The following PPARGC1A variants were observed in gnomAD, a reference collection of about 807,000 sequenced individuals.
The protein encoded by PPARGC1A is peroxisome proliferator-activated receptor gamma coactivator 1-alpha.
Under a neutral mutation model 88.7 loss-of-function variants are expected in PPARGC1A, and 25 were observed. That is an observed-to-expected ratio of 0.28 (90% CI 0.21 to 0.39). PPARGC1A has a LOEUF of 0.39. Among genes scored for constraint, PPARGC1A ranks in the 10% least tolerant of loss-of-function variants. The pLI, the probability that PPARGC1A is intolerant of heterozygous loss-of-function variation, is 1.00. For missense variants in PPARGC1A, 880 were observed against 968.7 expected (o/e 0.91, Z 1.22); for synonymous variants, 363 against 355.6 (o/e 1.02, Z -0.24).
At chr4:24,469,067 A>T in the PPARGC1A span, among the ~76,000 whole-genome samples, 1 of 152,200 alleles carries the variant, frequency 6.6e-6, no homozygotes, top group Non-Finnish European at 1.5e-5. Context: ...TAAACAAATT[A>T]TATCTGAAGA....
At chr4:24,470,719 C>T in the PPARGC1A span, among the ~76,000 whole-genome samples, 2 of 151,838 alleles carry the variant, frequency 1.3e-5, no homozygotes, top group Admixed American at 1.3e-4. This position sits in a 1 kb window ranked among gnomAD's most constrained non-coding sequence, Gnocchi z 5.8. Flanking sequence ...CGCCCCCACC[C>T]GCGGCGGCGG....
chr4:23,959,956 T>C, the PPARGC1A span, among the ~76,000 whole-genome samples: 3 of 152,106 alleles, frequency 2.0e-5, no homozygotes, highest in African/African-American at 7.2e-5. Flanking sequence ...CAACTCAGCC[T>C]ATAAACTTGG....
chr4:23,933,853 C>T, the PPARGC1A span, among the ~76,000 whole-genome samples: 3 of 152,326 alleles, frequency 2.0e-5, no homozygotes, highest in South Asian at 2.1e-4. Context: ...CAAAGCAACT[C>T]GGTCTTTGGT....
the PPARGC1A span, among the ~76,000 whole-genome samples, chr4:24,255,013 C>T: frequency 7.2e-5 from 11 of 152,284 alleles, no homozygotes; most frequent in East Asian, 1.5e-3. Context: ...TAAGTATGAT[C>T]CTTGTAAAGA....
At chr4:24,250,584 A>G in the PPARGC1A span, among the ~76,000 whole-genome samples, 1 of 152,202 alleles carries the variant, frequency 6.6e-6, no homozygotes, top group African/African-American at 2.4e-5. Flanking sequence ...CAATAAAAAG[A>G]AGGAGGTGGG....
the PPARGC1A span, among the ~76,000 whole-genome samples, chr4:24,165,739 A>G: frequency 6.6e-6 from 1 of 152,112 alleles, no homozygotes; most frequent in African/African-American, 2.4e-5. Flanking sequence ...CCATTACCAT[A>G]TAAGAGGTTG....
chr4:24,436,560 A>G, the PPARGC1A span, among the ~76,000 whole-genome samples: 10 of 150,854 alleles, frequency 6.6e-5, no homozygotes, highest in African/African-American at 2.5e-4. Context: ...CACACAGCTG[A>G]CATCGATTGG....
chr4:24,406,047 G>A, the PPARGC1A span, among the ~76,000 whole-genome samples: 1 of 152,062 alleles, frequency 6.6e-6, no homozygotes, highest in African/African-American at 2.4e-5. Flanking sequence ...AAGATGCCAG[G>A]CAAAGAAATG....
At chr4:24,077,267 G>A in the PPARGC1A span, among the ~76,000 whole-genome samples, 17 of 152,040 alleles carry the variant, frequency 1.1e-4, no homozygotes, top group East Asian at 1.9e-4. Context: ...TTACTCTTTC[G>A]TTTTCAAGGC....
chr4:23,934,589 G>T, the PPARGC1A span, among the ~76,000 whole-genome samples: 1 of 152,116 alleles, frequency 6.6e-6, no homozygotes, highest in Non-Finnish European at 1.5e-5. Context: ...TGCTGATAAT[G>T]GTGTCTGAGA....
At chr4:23,935,629 T>C in the PPARGC1A span, among the ~76,000 whole-genome samples, 1 of 152,198 alleles carries the variant, frequency 6.6e-6, no homozygotes. Flanking sequence ...GCATAAAAAT[T>C]ATTTACCAGT....
At chr4:24,426,442 C>T in the PPARGC1A span, among the ~76,000 whole-genome samples, 20 of 152,160 alleles carry the variant, frequency 1.3e-4, no homozygotes, top group African/African-American at 4.6e-4. Flanking sequence ...CAGCTTCTTC[C>T]CAAAACAAAA....
chr4:23,832,115 A>G (rs903704811), intron 2 of PPARGC1A, among the ~76,000 whole-genome samples: 2 of 152,260 alleles, frequency 1.3e-5, no homozygotes, highest in African/African-American at 4.8e-5. Context: ...CCTTGAGAGA[A>G]TTTTAACCAT....
intron 10 of PPARGC1A, among the ~76,000 whole-genome samples, chr4:23,806,060 A>G (rs1001023636): frequency 2.0e-5 from 3 of 152,324 alleles, no homozygotes; most frequent in Middle Eastern, 3.4e-3. Context: ...GATATAACCT[A>G]GAGGGGAGAA....
At chr4:23,950,163 G>C in the PPARGC1A span, among the ~76,000 whole-genome samples, 1 of 151,970 alleles carries the variant, frequency 6.6e-6, no homozygotes. Context: ...TCTCTAGAAA[G>C]GTATATACCC....
chr4:24,202,870 G>A, the PPARGC1A span, among the ~76,000 whole-genome samples: 1 of 152,132 alleles, frequency 6.6e-6, no homozygotes, highest in African/African-American at 2.4e-5. Flanking sequence ...CAGGGATCCA[G>A]TGCCCCCTGA....
the PPARGC1A span, among the ~76,000 whole-genome samples, chr4:24,260,441 C>T: frequency 2.9e-3 from 447 of 152,352 alleles, 3 homozygotes; most frequent in African/African-American, 0.011. Flanking sequence ...AAAACTCACA[C>T]CTTCGCCAGT....
chr4:24,261,640 A>G, the PPARGC1A span, among the ~76,000 whole-genome samples: 1 of 152,202 alleles, frequency 6.6e-6, no homozygotes, highest in African/African-American at 2.4e-5. Context: ...CTATTTTCAC[A>G]TTAGTCACGA....
At chr4:24,114,338 T>A in the PPARGC1A span, among the ~76,000 whole-genome samples, 413 of 152,278 alleles carry the variant, frequency 2.7e-3, 5 homozygotes, top group East Asian at 0.051. Flanking sequence ...ATGACAATGA[T>A]CAGCTACAGA....
Sources: gnomAD v4.1 joint callset for allele counts (sites outside exome capture counted in the v4.1 genomes callset) on GRCh38, gnomAD v4.1.1 for gene constraint, Gnocchi (gnomAD v3.1) non-coding constraint, MANE v1.5 for transcripts, NCBI Gene and HGNC (gene_info 2026-07-23, HGNC 2026-07-21) for gene names.